BTBD18: variants seen among roughly 807,000 people sequenced by gnomAD.
The protein encoded by BTBD18 is BTB/POZ domain-containing protein 18.
For synonymous variants in BTBD18, 311 were observed against 324.4 expected (o/e 0.96, Z 0.44); for missense variants, 787 against 846.3 (o/e 0.93, Z 0.87).
chr11:57,747,537 C>T (rs1013958877), intron 2 of BTBD18, among the ~76,000 whole-genome samples: 1 of 152,006 alleles, frequency 6.6e-6, no homozygotes, highest in African/African-American at 2.4e-5. Context: ...TTTTTTGAGG[C>T]GGAGTCTCAC....
chr11:57,744,033 C>G lies in BTBD18; in HGVS notation c.*101G>C. On this transcript the variant is annotated 3_prime_UTR_variant, in exon 3 of 3. Coordinates refer to ENST00000422652, the MANE Select transcript of BTBD18 (RefSeq NM_001145101.3). ...CTACAAAGAGCCAGGGTACACCTGC[C>G]TCTTGTGCTGAGGGCACGTGCCAGC... 7 of 862,370 alleles carry G rather than the reference C, an allele frequency of 8.1e-6. No homozygotes were observed. The highest frequency in any genetic ancestry group is 1.2e-5 in the Non-Finnish European group (7 of 561,192). The allele number at this position is 862,370 out of a possible 1,614,324, so 53.4% of individuals were successfully genotyped here.
chr11:57,744,384 C>A lies in BTBD18; in HGVS notation c.1889G>T (p.Cys630Phe). 1.3e-6 allele frequency: 2 copies of A among 1,551,668 alleles called. No homozygotes were observed. Among genetic ancestry groups the A allele is most frequent in the African/African-American group, 1.4e-5 (1 of 73,152 alleles). The change falls in exon 3 of 3, where the codon TGC (cysteine) becomes TTC (phenylalanine). Residue 630 changes from cysteine (C) to phenylalanine (F), a missense_variant. Coordinates refer to ENST00000422652, the MANE Select transcript of BTBD18 (RefSeq NM_001145101.3). ...QRSYGDLSPP[C>F]SNWVETGLEV... ...CAGCCCAGTCTCCACCCAGTTTGAG[C>A]AGGGAGGTGAGAGGTCCCCATAAGA...
chr11:57,752,520 G>A (rs1439301675), upstream of BTBD18, among the ~76,000 whole-genome samples: 1 of 149,880 alleles, frequency 6.7e-6, no homozygotes. Flanking sequence ...GCGAGACTCC[G>A]TCTCAAAAAA....
chr11:57,749,222 C>A (rs981532279), intron 2 of BTBD18, among the ~76,000 whole-genome samples: 2 of 152,190 alleles, frequency 1.3e-5, no homozygotes, highest in African/African-American at 2.4e-5. Flanking sequence ...TTTTGAATGT[C>A]TTCCCCTTAT....
upstream of BTBD18, among the ~76,000 whole-genome samples, chr11:57,752,645 C>G (rs2135707087): frequency 6.6e-6 from 1 of 152,340 alleles, no homozygotes; most frequent in South Asian, 2.1e-4. Flanking sequence ...CCAGACCCAA[C>G]TTGAAATAGC....
rs903818754 is a variant in BTBD18 at position 57,745,260 on chromosome 11, C to T, written c.1013G>A (p.Arg338Gln). 23 of 1,551,700 alleles carry T rather than the reference C, an allele frequency of 1.5e-5. No individual in the cohort carries two copies. The highest frequency in any genetic ancestry group is 7.8e-5 in the Admixed American group (4 of 51,000). ...GTTAGGTGCCCTGACTTCAGGGCTC[C>T]GCTTCCTGCTCCCACCTGTCTTTCC... The part of the protein sequence containing the change: ...GLGKTGGSRK[R>Q]SPEVRAPNSD... Residue 338 changes from arginine to glutamine, a missense_variant, in exon 3 of 3, where the codon CGG becomes CAG. By Grantham distance (43) the Arg-to-Gln change is conservative. Coordinates refer to ENST00000422652, the MANE Select transcript of BTBD18 (RefSeq NM_001145101.3).
In BTBD18 at chr11:57,745,325, T is replaced by G; in HGVS notation, c.948A>C (p.Arg316Ser). 6.4e-7 allele frequency: 1 copy of G among 1,551,698 alleles called. No homozygotes were observed. The highest frequency in any genetic ancestry group is 8.7e-7 in the Non-Finnish European group (1 of 1,146,984). Residue 316 changes from arginine to serine, a missense_variant, in exon 3 of 3, where the codon AGA becomes AGC. Physicochemically the swap from Arg to Ser is moderately radical, Grantham distance 110 (BLOSUM62 -1). Transcript: ENST00000422652. ...TTGGGGTGCTCTGCAGAGGACTAGC[T>G]CTGCCTGGTTTTGGCTTGTCCTCTG... ...ETPEDKPKPG[R>S]ASPLQSTPNP...
upstream of BTBD18, chr11:57,751,907 C>G (rs1350343461): frequency 6.6e-6 from 1 of 152,240 alleles, no homozygotes; most frequent in African/African-American, 2.4e-5. Context: ...AGGTCTCTCA[C>G]AGAACCAAGG....
At position 57,744,672 on chromosome 11, in the gene BTBD18, T is replaced by C; in HGVS notation, c.1601A>G (p.Lys534Arg). The C allele has an allele frequency of 5.8e-6, 9 of 1,551,742 alleles. No homozygotes were observed. Among genetic ancestry groups the C allele is most frequent in the Non-Finnish European group, 7.0e-6 (8 of 1,147,000 alleles). ...TPTYHLTETG[K>R]NWIEGEEWCL... ...CCATTCTTCCCCTTCAATCCAGTTCTTTCCTGTTTCTGTCAGATGGTAGGT... is the reference window on the plus strand; with the variant it reads ...CCATTCTTCCCCTTCAATCCAGTTCCTTCCTGTTTCTGTCAGATGGTAGGT... Residue 534 changes from lysine to arginine, a missense_variant, in exon 3 of 3, where the codon AAG becomes AGG. Lys to Arg is a conservative substitution (Grantham distance 26). Coordinates refer to ENST00000422652, the MANE Select transcript of BTBD18 (RefSeq NM_001145101.3).
intron 2 of BTBD18, 39 bp downstream of exon 2, chr11:57,751,026 T>TA: frequency 6.7e-7 from 1 of 1,490,926 alleles, no homozygotes; most frequent in Non-Finnish European, 8.9e-7. Flanking sequence ...TATCTTATTC[T>TA]ATGGTGAGTT....
Position 57,744,831 on chromosome 11 carries a change from T to C in BTBD18, c.1442A>G (p.Glu481Gly). ...AGCAGCACTTGTGATTCGGTACTCCTCAGCCTCACAGGGCTGCTCCAGCAG... is the reference window on the plus strand; with the variant it reads ...AGCAGCACTTGTGATTCGGTACTCCCCAGCCTCACAGGGCTGCTCCAGCAG... ...TALLEQPCEA[E>G]EYRITSAAAT... The change falls in exon 3 of 3, where the codon GAG (glutamate) becomes GGG (glycine). Residue 481 changes from glutamate (E) to glycine (G), a missense_variant. Glu to Gly is a moderately conservative substitution (Grantham distance 98, BLOSUM62 -2). Transcript: ENST00000422652. 6.4e-7 allele frequency: 1 copy of C among 1,551,738 alleles called. No homozygotes were observed. The highest frequency in any genetic ancestry group is 1.2e-5 in the South Asian group (1 of 84,066).
At chr11:57,747,424 CA>C (rs1949217300) in intron 2 of BTBD18, among the ~76,000 whole-genome samples, 1 of 152,220 alleles carries the variant, frequency 6.6e-6, no homozygotes, top group Non-Finnish European at 1.5e-5. Flanking sequence ...CATATTCACC[CA>C]GTTGCCTGAG....
At chr11:57,747,669 T>A (rs1461528303) in intron 2 of BTBD18, among the ~76,000 whole-genome samples, 1 of 152,122 alleles carries the variant, frequency 6.6e-6, no homozygotes, top group Non-Finnish European at 1.5e-5. Context: ...TGGCTAATTT[T>A]TGTATTTTTA....
chr11:57,746,039 C>G lies in BTBD18; in HGVS notation c.234G>C (p.Leu78=). 6.4e-7 allele frequency: 1 copy of G among 1,551,656 alleles called. No individual in the cohort carries two copies. Among genetic ancestry groups the G allele is most frequent in the Admixed American group, 2.0e-5 (1 of 50,990 alleles). ...PAQGGKVVLE[L]GGLKISTLRK... is the part of the protein sequence containing the mutation. ...TAAGTGTGCTGATCTTCAGGCCACC[C>G]AGCTCTAGCACCACCTTCCCACCCT... The change falls in exon 3 of 3, where the codon CTG becomes CTC. Residue 78 remains leucine, a synonymous_variant. Coordinates refer to ENST00000422652, the MANE Select transcript of BTBD18 (RefSeq NM_001145101.3).
chr11:57,746,361 G>A (rs985301402), intron 2 of BTBD18, among the ~76,000 whole-genome samples: 20 of 138,268 alleles, frequency 1.4e-4, no homozygotes, highest in Non-Finnish European at 1.4e-4. Context: ...AGACAGTCTC[G>A]CTTGGTTGCC....
rs1949145748 is a variant in BTBD18, at chr11:57,744,175, G to A, written c.2098C>T (p.Pro700Ser). ...ACCTCTGTTTCTGACTCTGAGGAAG[G>A]GTCAGGCCACACGGAGGGAACAGTA... ...PTTVPSVWPD[P>S]SSESETEVDI... Residue 700 changes from proline (P) to serine (S), a missense_variant, in exon 3 of 3, where the codon CCT becomes TCT. Physicochemically the swap from Pro to Ser is moderately conservative, Grantham distance 74. Coordinates refer to ENST00000422652, the MANE Select transcript of BTBD18 (RefSeq NM_001145101.3). 6.4e-7 allele frequency: 1 copy of A among 1,551,498 alleles called. No homozygotes were observed. The highest frequency in any genetic ancestry group is 8.7e-7 in the Non-Finnish European group (1 of 1,146,900).
Position 57,744,463 on chromosome 11 carries a change from C to A in BTBD18, c.1810G>T (p.Asp604Tyr). Residue 604 changes from aspartate (D) to tyrosine (Y), a missense_variant, in exon 3 of 3, where the codon GAT becomes TAT. By Grantham distance (160) the Asp-to-Tyr change is radical (BLOSUM62 -3). Transcript: ENST00000422652. Reference protein sequence around the residue: ...DLEITSSQPLDGQEDKLLHVS... With the variant: ...DLEITSSQPLYGQEDKLLHVS... ...TGGAGAAGTTTGTCTTCCTGACCAT[C>A]CAGTGGCTGGGAGCTGGTAATTTCA... The A allele has an allele frequency of 6.4e-7, 1 of 1,551,684 alleles. No individual in the cohort carries two copies. Among genetic ancestry groups the A allele is most frequent in the Non-Finnish European group, 8.7e-7 (1 of 1,146,984 alleles).
upstream of BTBD18, among the ~76,000 whole-genome samples, chr11:57,752,005 ATAGT>A (rs764923992): frequency 1.4e-4 from 22 of 152,166 alleles, no homozygotes; most frequent in Non-Finnish European, 2.9e-4. Flanking sequence ...TTACGTTTGT[ATAGT>A]TAATTACCAG....
chr11:57,746,805 C>CAA (rs35274578), intron 2 of BTBD18, among the ~76,000 whole-genome samples: 38,069 of 95,128 alleles, frequency 0.4, 7,657 homozygotes, highest in East Asian at 0.72. Flanking sequence ...ACCTTGTCTC[C>CAA]AAAAAAAAAA....
Sources: allele counts gnomAD v4.1 joint callset (sites outside exome capture counted in the v4.1 genomes callset), GRCh38; gene constraint gnomAD v4.1.1; transcripts MANE v1.5; gene names NCBI Gene and HGNC (gene_info 2026-07-23, HGNC 2026-07-21).